MECR: variants seen among roughly 807,000 people sequenced by gnomAD.
MECR encodes mitochondrial trans-2-enoyl-CoA reductase, also known as enoyl-[acyl-carrier-protein] reductase, mitochondrial.
A neutral mutation model predicts 49.1 loss-of-function variants in MECR; 37 were observed. The observed-to-expected ratio is 0.75, with a 90% CI of 0.58 to 0.99. MECR has a LOEUF of 0.99. Ranked by LOEUF, MECR falls within the 50% of genes least tolerant of loss-of-function variation. MECR has a pLI of 0.00. For missense variants in MECR, 470 were observed against 479.6 expected, an observed-to-expected ratio of 0.98 and a Z score of 0.19; for synonymous variants, 198 against 191.1, an observed-to-expected ratio of 1.04 and a Z score of -0.30.
At chr1:29,181,462 A>G in the MECR span, among the ~76,000 whole-genome samples, 4 of 151,430 alleles carry the variant, frequency 2.6e-5, no homozygotes, top group African/African-American at 9.7e-5. Context: ...CACCACCCCC[A>G]CCCGCGCAGG....
chr1:29,212,312 G>A (rs535494771), intron 3 of MECR, among the ~76,000 whole-genome samples: 41 of 151,714 alleles, frequency 2.7e-4, no homozygotes, highest in African/African-American at 7.5e-4. Flanking sequence ...CCAGCTACTC[G>A]GGAGGCTGAG....
intron 1 of MECR, among the ~76,000 whole-genome samples, chr1:29,228,232 A>G (rs28460474): frequency 6.6e-6 from 1 of 151,356 alleles, no homozygotes; most frequent in Non-Finnish European, 1.5e-5. Flanking sequence ...TAAATAAATA[A>G]ATATATATAT....
chr1:29,182,812 G>T, the MECR span, among the ~76,000 whole-genome samples: 2 of 152,222 alleles, frequency 1.3e-5, no homozygotes, highest in South Asian at 4.1e-4. Flanking sequence ...CCAAAGTGCT[G>T]GGATTACAGG....
chr1:29,179,973 G>C, the MECR span, among the ~76,000 whole-genome samples: 1 of 152,134 alleles, frequency 6.6e-6, no homozygotes, highest in Non-Finnish European at 1.5e-5. Flanking sequence ...CATTAGAAAA[G>C]ACCTCACCAA....
chr1:29,206,817 A>AC lies in MECR; in HGVS notation c.494dup (p.Val166CysfsTer55). Reference sequence around the variant, plus strand: ...TCCTGTAGGCTGTGCAGGGATTGACACCCAGGGTGGCAGCGCTCTGAAGAG... The same window carrying AC: ...TCCTGTAGGCTGTGCAGGGATTGACACCCCAGGGTGGCAGCGCTCTGAAGAG... On this transcript the variant is annotated frameshift_variant, in exon 4 of 10. Coordinates refer to ENST00000263702, the MANE Select transcript of MECR (RefSeq NM_016011.5). LOFTEE classifies it high-confidence loss of function. 6.2e-7 allele frequency: 1 copy of AC among 1,614,134 alleles called. No homozygotes were observed. The highest frequency in any genetic ancestry group is 1.1e-5 in the South Asian group (1 of 91,084).
chr1:29,224,805 GAAAC>G (rs1681645657), intron 1 of MECR: 2 of 152,220 alleles, frequency 1.3e-5, no homozygotes, highest in Non-Finnish European at 2.9e-5. Context: ...ACACAGGCAA[GAAAC>G]ATCCCAAGTC....
chr1:29,171,869 A>G, the MECR span: 9 of 152,316 alleles, frequency 5.9e-5, no homozygotes, highest in African/African-American at 1.9e-4. Context: ...GCAAAACAGT[A>G]TATTAAACTG....
At chr1:29,208,890 T>C (rs1215951755) in intron 3 of MECR, among the ~76,000 whole-genome samples, 1 of 152,180 alleles carries the variant, frequency 6.6e-6, no homozygotes, top group Non-Finnish European at 1.5e-5. Context: ...GATACTTCTC[T>C]GAGGAGGTGA....
In MECR at chr1:29,201,392, G is replaced by A; in HGVS notation, c.756+551C>T. 1.9e-6 allele frequency: 1 copy of A among 533,166 alleles called. No individual in the cohort carries two copies. The highest frequency in any genetic ancestry group is 1.4e-5 in the South Asian group (1 of 71,396). 33.0% of individuals were successfully genotyped at this position (533,166 alleles called of 1,614,324 possible). On this transcript the variant is annotated intron_variant, in intron 6 of 9. Coordinates refer to ENST00000263702, the MANE Select transcript of MECR (RefSeq NM_016011.5). This position sits in a 1 kb window ranked among gnomAD's most constrained non-coding sequence, Gnocchi z 4.3. Reference sequence around the variant, plus strand: ...CACTTACTAGGCATGTTGTGGGGTGGAGGTTCTGGAAGGTTAAGAGGCTTT... The same window carrying A: ...CACTTACTAGGCATGTTGTGGGGTGAAGGTTCTGGAAGGTTAAGAGGCTTT...
At chr1:29,176,729 C>T in the MECR span, among the ~76,000 whole-genome samples, 1 of 152,122 alleles carries the variant, frequency 6.6e-6, no homozygotes, top group Non-Finnish European at 1.5e-5. Flanking sequence ...GAGTCTTGAA[C>T]TCCACATTAA....
the MECR span, among the ~76,000 whole-genome samples, chr1:29,180,827 A>G: frequency 6.6e-6 from 1 of 152,216 alleles, no homozygotes. Flanking sequence ...TAAGAATACA[A>G]GTAATAGATC....
At chr1:29,218,632 G>A (rs996910895) in intron 1 of MECR, among the ~76,000 whole-genome samples, 6 of 152,100 alleles carry the variant, frequency 3.9e-5, no homozygotes, top group Non-Finnish European at 8.8e-5. Flanking sequence ...CAGCACTTTG[G>A]GAGGCTGAGG....
At position 29,203,074 on chromosome 1, in the gene MECR, T is replaced by C. The variant is rs1481191219; in HGVS notation, c.653+57A>G. The C allele has an allele frequency of 4.3e-6, 6 of 1,410,798 alleles. No individual in the cohort carries two copies. The East Asian group carries it at 1.0e-4, about 24-fold the overall frequency. 87.4% of individuals were successfully genotyped at this position (1,410,798 alleles called of 1,614,324 possible). On this transcript the variant is annotated intron_variant, in intron 5 of 9. Coordinates refer to ENST00000263702, the MANE Select transcript of MECR (RefSeq NM_016011.5). ...GGTGGACAACTGGGCACCGCAGGGA[T>C]GGGAGGTGGGAAAGACCCAAGACAT...
At chr1:29,173,881 G>A in the MECR span, among the ~76,000 whole-genome samples, 3 of 151,560 alleles carry the variant, frequency 2.0e-5, no homozygotes, top group African/African-American at 7.3e-5. Flanking sequence ...ATAATAAAGG[G>A]CACTGTTCAG....
intron 9 of MECR, 143 bp from the exon 10 acceptor site, chr1:29,194,322 C>CCACCCTA: frequency 1.1e-6 from 1 of 909,488 alleles, no homozygotes; most frequent in Non-Finnish European, 1.6e-6. Flanking sequence ...GATAGGGTGG[C>CCACCCTA]TGTGGAGGCA....
chr1:29,222,913 G>A (rs960753978), intron 1 of MECR, among the ~76,000 whole-genome samples: 9 of 152,364 alleles, frequency 5.9e-5, no homozygotes, highest in Non-Finnish European at 1.2e-4. Context: ...CCTGCAGACA[G>A]TGCTAACCAT....
At chr1:29,184,173 C>T in the MECR span, among the ~76,000 whole-genome samples, 3 of 113,912 alleles carry the variant, frequency 2.6e-5, no homozygotes, top group East Asian at 2.2e-4. Flanking sequence ...CCACTGTACC[C>T]GGCTTTTTTT....
At chr1:29,174,617 G>GAA in the MECR span, among the ~76,000 whole-genome samples, 1 of 139,286 alleles carries the variant, frequency 7.2e-6, no homozygotes, top group Non-Finnish European at 1.6e-5. Context: ...TCCAAGTTTG[G>GAA]AAAAAAAAAA....
chr1:29,193,195 T>C lies in MECR; in HGVS notation c.*827A>G, dbSNP rs896370977. On this transcript the variant is annotated 3_prime_UTR_variant, in exon 10 of 10. Coordinates refer to ENST00000263702, the MANE Select transcript of MECR (RefSeq NM_016011.5). Reference sequence around the variant, plus strand: ...CCTGGGCTCAAGTGATCCGCTTGCCTTGGCTTCCCAAAGTGCTGGGATTAC... The same window carrying C: ...CCTGGGCTCAAGTGATCCGCTTGCCCTGGCTTCCCAAAGTGCTGGGATTAC... 13 of 186,420 alleles carry C rather than the reference T, an allele frequency of 7.0e-5. No individual in the cohort carries two copies. Among genetic ancestry groups the C allele is most frequent in the Admixed American group, 4.2e-4 (10 of 23,640 alleles). The allele number at this position is 186,420 out of a possible 1,614,324, so 11.5% of individuals were successfully genotyped here.
Sources: allele counts gnomAD v4.1 joint callset (sites outside exome capture counted in the v4.1 genomes callset), GRCh38; gene constraint gnomAD v4.1.1; non-coding constraint Gnocchi (gnomAD v3.1); transcripts MANE v1.5; gene names NCBI Gene and HGNC (gene_info 2026-07-23, HGNC 2026-07-21).